GLRB: variants seen among roughly 807,000 people sequenced by gnomAD.
The protein encoded by GLRB is glycine receptor subunit beta.
A neutral mutation model predicts 54.2 loss-of-function variants in GLRB; 33 were observed. That is an observed-to-expected ratio of 0.61 (90% CI 0.46 to 0.81). GLRB has a LOEUF of 0.81. Among genes scored for constraint, GLRB ranks in the 40% least tolerant of loss-of-function variants. The probability of loss-of-function intolerance (pLI) is 0.00; values close to 1 mark genes in which losing one functional copy is unlikely to be tolerated. For missense variants in GLRB, 572 were observed against 584.6 expected (o/e 0.98, Z 0.22); for synonymous variants, 209 against 208.2 (o/e 1.00, Z -0.03).
chr4:157,170,389 G>T (rs1002031765), intron 9 of GLRB, 43 bp from the exon 10 acceptor site: 1 of 1,165,790 alleles, frequency 8.6e-7, no homozygotes. Flanking sequence ...TGTTTCGTAA[G>T]TAGAAAAGTT....
rs3775722 is a variant in GLRB, at chr4:157,120,816, A to G, written c.229+154A>G. 0.42 allele frequency among the ~76,000 whole-genome samples: 63,818 copies of G among 151,546 alleles called. 15,836 individuals are homozygous for G. Among genetic ancestry groups the G allele is most frequent in the African/African-American group, 0.7 (28,849 of 41,406 alleles). Reference sequence around the variant, plus strand: ...TAACAAAAATGTCCTTAAGTTCAGAACAATTCAATGCCTAAAATATTCAGA... The same window carrying G: ...TAACAAAAATGTCCTTAAGTTCAGAGCAATTCAATGCCTAAAATATTCAGA... On this transcript the variant is annotated intron_variant, in intron 3 of 9. Transcript: ENST00000264428.
intron 4 of GLRB, among the ~76,000 whole-genome samples, chr4:157,129,620 AG>A (rs1736139524): frequency 6.6e-6 from 1 of 151,838 alleles, no homozygotes; most frequent in African/African-American, 2.4e-5. Flanking sequence ...TAATGAAATA[AG>A]ACATAATAAT....
intron 9 of GLRB, among the ~76,000 whole-genome samples, chr4:157,155,093 G>A (rs913079023): frequency 6.6e-6 from 1 of 151,982 alleles, no homozygotes; most frequent in Non-Finnish European, 1.5e-5. Context: ...TATATTCCAA[G>A]GTTATATCTC....
intron 4 of GLRB, 74 bp from the exon 5 acceptor site, chr4:157,136,395 T>A (rs1736398963): frequency 1.2e-6 from 1 of 849,078 alleles, no homozygotes; most frequent in South Asian, 1.4e-5. Context: ...GTAACCCTTT[T>A]TGTTTTGGGG....
intron 2 of GLRB, among the ~76,000 whole-genome samples, chr4:157,093,981 C>T (rs1052442136): frequency 2.6e-5 from 4 of 152,150 alleles, no homozygotes; most frequent in African/African-American, 4.8e-5. Context: ...TATGCAATCT[C>T]TCTCTGTCTT....
intron 9 of GLRB, among the ~76,000 whole-genome samples, chr4:157,157,317 A>G (rs915501856): frequency 2.8e-4 from 42 of 152,186 alleles, no homozygotes; most frequent in African/African-American, 9.2e-4. Flanking sequence ...ACTATACTTC[A>G]GTGTGGATCG....
At chr4:157,091,746 G>T (rs1417044981) in intron 2 of GLRB, among the ~76,000 whole-genome samples, 1 of 152,032 alleles carries the variant, frequency 6.6e-6, no homozygotes, top group Non-Finnish European at 1.5e-5. Flanking sequence ...TTTCAATTCT[G>T]CTCTGCACTT....
chr4:157,161,341 A>C (rs181987984), intron 9 of GLRB, among the ~76,000 whole-genome samples: 9 of 152,244 alleles, frequency 5.9e-5, no homozygotes, highest in Admixed American at 3.9e-4. Context: ...TTTAAGGTTA[A>C]TATTGTTATG....
chr4:157,078,966 A>G (rs879591239), intron 2 of GLRB, among the ~76,000 whole-genome samples: 1 of 152,042 alleles, frequency 6.6e-6, no homozygotes, highest in Admixed American at 6.5e-5. Flanking sequence ...TAGAGACAGG[A>G]TTTCACCATG....
intron 2 of GLRB, among the ~76,000 whole-genome samples, chr4:157,097,533 G>A (rs1261753773): frequency 1.3e-5 from 2 of 152,178 alleles, no homozygotes; most frequent in Admixed American, 1.3e-4. Context: ...TCTATTGCTT[G>A]AGTTAATGGA....
rs886750490 is a variant in GLRB at position 157,077,921 on chromosome 4, A to T, written c.-29-75A>T. 11 of 960,786 alleles carry T rather than the reference A, an allele frequency of 1.1e-5. No individual in the cohort carries two copies. In the African/African-American group the frequency reaches 1.8e-4, roughly 16 times the overall value. 59.5% of individuals were successfully genotyped at this position (960,786 alleles called of 1,614,324 possible). On this transcript the variant is annotated intron_variant, in intron 1 of 9. Transcript: ENST00000264428. Reference sequence around the variant, plus strand: ...ACTTGCCCTTTGGGTAGTAATGCTTATACTCTTTAAAGGGACAGTCATATA... The same window carrying T: ...ACTTGCCCTTTGGGTAGTAATGCTTTTACTCTTTAAAGGGACAGTCATATA...
rs1397359608 is a variant in GLRB, at chr4:157,146,443, G to A, written c.904+2484G>A. Among the ~76,000 whole-genome samples the A allele has an allele frequency of 4.6e-5, 7 of 152,302 alleles. No homozygotes were observed. The East Asian group carries it at 1.4e-3, about 29-fold the overall frequency. On this transcript the variant is annotated intron_variant, in intron 8 of 9. Coordinates refer to ENST00000264428, the MANE Select transcript of GLRB (RefSeq NM_000824.5). ...AGAATGACCTCGGGCAAGAGCAGAA[G>A]CAAGGAAAGCAGTTAGGAGACAATT...
At chr4:157,087,396 T>A (rs1282034151) in intron 2 of GLRB, among the ~76,000 whole-genome samples, 1 of 152,142 alleles carries the variant, frequency 6.6e-6, no homozygotes, top group Non-Finnish European at 1.5e-5. Context: ...TTTTCTCATT[T>A]GTATAGTGAA....
At chr4:157,113,651 G>A (rs902175878) in intron 2 of GLRB, among the ~76,000 whole-genome samples, 2 of 151,828 alleles carry the variant, frequency 1.3e-5, no homozygotes, top group Non-Finnish European at 2.9e-5. Flanking sequence ...TTGTATAATT[G>A]GAGCTAGAGA....
chr4:157,110,816 C>A (rs1460578547), intron 2 of GLRB, among the ~76,000 whole-genome samples: 1 of 151,990 alleles, frequency 6.6e-6, no homozygotes, highest in African/African-American at 2.4e-5. Context: ...GTCTCTCAAA[C>A]CTTCTTGGTA....
rs1736504074 is a variant in GLRB, at chr4:157,138,818, C to T, written c.620C>T (p.Thr207Ile). 2.0e-6 allele frequency: 3 copies of T among 1,534,396 alleles called. No individual in the cohort carries two copies. Among genetic ancestry groups the T allele is most frequent in the Non-Finnish European group, 2.7e-6 (3 of 1,109,154 alleles). Residue 207 changes from threonine to isoleucine, a missense_variant, in exon 7 of 10, where the codon ACA becomes ATA. Thr to Ile is a moderately conservative substitution (Grantham distance 89). Coordinates refer to ENST00000264428, the MANE Select transcript of GLRB (RefSeq NM_000824.5). ...TTGTTTTTGTTTATAGTTGGTTACA[C>T]AACTGATGATTTACGATTTATCTGG... ...CKMQLESFGY[T>I]TDDLRFIWQS... is the part of the protein sequence containing the mutation.
At chr4:157,149,891 C>CCT (rs1736954528) in intron 8 of GLRB, among the ~76,000 whole-genome samples, 1 of 150,330 alleles carries the variant, frequency 6.7e-6, no homozygotes, top group African/African-American at 2.4e-5. Context: ...TTTTCTTTTT[C>CCT]TAGTTTTCAA....
At chr4:157,130,718 A>G (rs1002072035) in intron 4 of GLRB, among the ~76,000 whole-genome samples, 6 of 151,668 alleles carry the variant, frequency 4.0e-5, no homozygotes, top group African/African-American at 1.4e-4. Context: ...TGGGTGTACA[A>G]GTGTATCTGT....
At chr4:157,147,348 T>C (rs1173710628) in intron 8 of GLRB, among the ~76,000 whole-genome samples, 11 of 152,148 alleles carry the variant, frequency 7.2e-5, no homozygotes, top group Non-Finnish European at 8.8e-5. Context: ...TCAATGACTT[T>C]TAGAGCTAAA....
Sources: allele counts gnomAD v4.1 joint callset (sites outside exome capture counted in the v4.1 genomes callset), GRCh38; gene constraint gnomAD v4.1.1; transcripts MANE v1.5; gene names NCBI Gene and HGNC (gene_info 2026-07-23, HGNC 2026-07-21).